ZNF878: variants seen among roughly 807,000 people sequenced by gnomAD.
ZNF878 encodes the protein zinc finger protein 878.
In ZNF878, 10 loss-of-function variants were observed where a neutral mutation model predicts 11.1. That is an observed-to-expected ratio of 0.90 (90% confidence interval 0.56 to 1.53). The LOEUF is 1.53. ZNF878 is among the 40% of genes most tolerant of loss of function. ZNF878 has a pLI of 0.00. For missense variants in ZNF878, 548 were observed against 626.1 expected (o/e 0.88, Z 1.33); for synonymous variants, 165 against 209.7 (o/e 0.79, Z 1.84).
intron 1 of ZNF878, among the ~76,000 whole-genome samples, chr19:12,046,964 G>C (rs977927100): frequency 6.6e-6 from 1 of 152,134 alleles, no homozygotes; most frequent in Non-Finnish European, 1.5e-5. Context: ...ACTCTGGATG[G>C]GGTAAAGCAA....
At chr19:12,046,281 G>C (rs1046879382) in intron 3 of ZNF878, 87 bp downstream of exon 3, 80 of 1,041,798 alleles carry the variant, frequency 7.7e-5, no homozygotes, top group Non-Finnish European at 1.1e-4. Flanking sequence ...AACTAGGTTT[G>C]TTTCTTATGC....
At chr19:12,050,229 GTAAA>G (rs57943946) in intron 1 of ZNF878, among the ~76,000 whole-genome samples, 5 of 152,088 alleles carry the variant, frequency 3.3e-5, no homozygotes, top group Non-Finnish European at 5.9e-5. Context: ...CGTCTCAAAA[GTAAA>G]TAAATAAATA....
Position 12,045,149 on chromosome 19 carries a change from CA to C in ZNF878, c.251del (p.Leu84Ter). 2.5e-6 allele frequency: 4 copies of C among 1,612,722 alleles called. No homozygotes were observed. Among genetic ancestry groups the C allele is most frequent in the Non-Finnish European group, 2.5e-6 (3 of 1,179,310 alleles). ...TCAGTGTGTCATCTGGAACCTGTGTCAAAACTTCTCCATGCTGATGACTTTC... is the reference window on the plus strand; with the variant it reads ...TCAGTGTGTCATCTGGAACCTGTGTCAAACTTCTCCATGCTGATGACTTTC... ...SKESHQHGEV[L>X]TQVPDDTLKK... On this transcript the variant is annotated frameshift_variant, in exon 4 of 4. Coordinates refer to ENST00000547628, the MANE Select transcript of ZNF878 (RefSeq NM_001080404.3). LOFTEE classifies it low-confidence loss of function (END_TRUNC).
At position 12,044,278 on chromosome 19, in the gene ZNF878, T is replaced by A; in HGVS notation, c.1123A>T (p.Thr375Ser). ...TGAAAGGAATTGGAAGAAGTGAAGG[T>A]TTTCCCACATTGTTTACATTCAAAG... Reference protein sequence around the residue: ...KPFECKQCGKTFTSSNSFHYH... With the variant: ...KPFECKQCGKSFTSSNSFHYH... Residue 375 changes from threonine (T) to serine (S), a missense_variant, in exon 4 of 4, where the codon ACC becomes TCC. By Grantham distance (58) the Thr-to-Ser change is moderately conservative. Coordinates refer to ENST00000547628, the MANE Select transcript of ZNF878 (RefSeq NM_001080404.3). 3.1e-6 allele frequency: 5 copies of A among 1,604,760 alleles called. No individual in the cohort carries two copies. Among genetic ancestry groups the A allele is most frequent in the Non-Finnish European group, 4.2e-6 (5 of 1,177,100 alleles).
rs908424019 is a variant in ZNF878 at position 12,048,841 on chromosome 19, AAAAAAAGAAAAG to A, written c.4-2093_4-2082del. Among the ~76,000 whole-genome samples the A allele has an allele frequency of 8.1e-5, 12 of 147,778 alleles. 1 individual carries two copies. The highest frequency in any genetic ancestry group is 3.2e-4 in the African/African-American group (12 of 37,818). On this transcript the variant is annotated intron_variant, in intron 1 of 3. Transcript: ENST00000547628. ...GAGCAAGACTCTGTCTCAAAAAAAAAAAAAAAGAAAAGAAAAAGAAAAGAAAAGAAAGAAAGG... is the reference window on the plus strand; with the variant it reads ...GAGCAAGACTCTGTCTCAAAAAAAAAAAAAAGAAAAGAAAAGAAAGAAAGG...
Position 12,044,541 on chromosome 19 carries a change from T to C in ZNF878, c.860A>G (p.Gln287Arg), listed in dbSNP as rs939513690. The change falls in exon 4 of 4, where the codon CAA (glutamine) becomes CGA (arginine). Residue 287 changes from glutamine (Q) to arginine (R), a missense_variant. Physicochemically the swap from Gln to Arg is conservative, Grantham distance 43. Transcript: ENST00000547628. Reference sequence around the variant, plus strand: ...GACAGATCTGAAGGCTTTCCTACATTGTGTACACTCATAGGGTTTCTCTCC... The same window carrying C: ...GACAGATCTGAAGGCTTTCCTACATCGTGTACACTCATAGGGTTTCTCTCC... ...HSGEKPYECT[Q>R]CRKAFRSVKY... is the part of the protein sequence containing the mutation. The C allele has an allele frequency of 9.3e-6, 15 of 1,613,830 alleles. No homozygotes were observed. The highest frequency in any genetic ancestry group is 1.3e-5 in the African/African-American group (1 of 74,846).
At chr19:12,052,063 T>C (rs1975556952) in intron 1 of ZNF878, among the ~76,000 whole-genome samples, 1 of 152,124 alleles carries the variant, frequency 6.6e-6, no homozygotes, top group African/African-American at 2.4e-5. Flanking sequence ...ACCTACAGAA[T>C]CCCTCCACCA....
chr19:12,047,053 A>G (rs1001600155), intron 1 of ZNF878, among the ~76,000 whole-genome samples: 5 of 152,048 alleles, frequency 3.3e-5, no homozygotes, highest in Admixed American at 2.0e-4. Context: ...TAATGTCCGA[A>G]GTGTGGATCT....
Position 12,052,841 on chromosome 19 carries a change from C to A in ZNF878, c.-40G>T. On this transcript the variant is annotated 5_prime_UTR_variant, in exon 1 of 4. Transcript: ENST00000547628. ...GTATTCTGGCGTCCTCTCTAAAGGT[C>A]CCGTGAACAGTGCAGGTCACAGCGC... The A allele has an allele frequency of 6.5e-7, 1 of 1,535,906 alleles. No homozygotes were observed. The highest frequency in any genetic ancestry group is 8.7e-7 in the Non-Finnish European group (1 of 1,146,672).
intron 1 of ZNF878, 30 bp downstream of exon 1, chr19:12,052,769 C>T (rs1490010571): frequency 1.3e-6 from 2 of 1,535,582 alleles, no homozygotes; most frequent in African/African-American, 2.7e-5. Context: ...CCTCCTTTCG[C>T]CTTGGGACTC....
chr19:12,046,368 C>T lies in ZNF878; in HGVS notation c.191G>A (p.Arg64Lys). 6.4e-7 allele frequency: 1 copy of T among 1,565,926 alleles called. No individual in the cohort carries two copies. The highest frequency in any genetic ancestry group is 1.4e-5 in the African/African-American group (1 of 73,804). The change falls in exon 3 of 4, where the codon AGA becomes AAA. Residue 64 changes from arginine (R) to lysine (K), a missense_variant and splice_region_variant. This residue lies in a region of ZNF878 where 160 missense variants were observed against 173.3 expected (regional missense o/e 0.92). Coordinates refer to ENST00000547628, the MANE Select transcript of ZNF878 (RefSeq NM_001080404.3). ...GTTTTCTCTTTTAAGTGCCAGTTAC[C>T]TTAGGTTTCTCCTAGGATTTTGGTG... ...DEHQNPRRNL[R>K]RLIGERLSES... is the part of the protein sequence containing the mutation.
rs773274167 is a variant in ZNF878 at position 12,044,316 on chromosome 19, G to A, written c.1085C>T (p.Thr362Ile). The A allele has an allele frequency of 4.3e-6, 7 of 1,612,838 alleles. No homozygotes were observed. The highest frequency in any genetic ancestry group is 1.3e-5 in the African/African-American group (1 of 75,002). ...KDLRIHERTH[T>I]GEKPFECKQC... ...TTTACATTCAAAGGGTTTCTCTCCAGTGTGTGTCCTTTCATGTATTCGAAG... is the reference window on the plus strand; with the variant it reads ...TTTACATTCAAAGGGTTTCTCTCCAATGTGTGTCCTTTCATGTATTCGAAG... Residue 362 changes from threonine to isoleucine, a missense_variant, in exon 4 of 4, where the codon ACT (threonine) becomes ATT (isoleucine). Transcript: ENST00000547628.
At chr19:12,052,716 C>T in intron 1 of ZNF878, 83 bp downstream of exon 1, 2 of 1,513,294 alleles carry the variant, frequency 1.3e-6, no homozygotes, top group Non-Finnish European at 1.8e-6. Flanking sequence ...TGCAGGGGGG[C>T]CCGGGCCCCG....
intron 3 of ZNF878, 121 bp downstream of exon 3, chr19:12,046,247 C>A (rs1975486002): frequency 1.3e-6 from 1 of 758,178 alleles, no homozygotes; most frequent in Non-Finnish European, 2.1e-6. Flanking sequence ...TCTAGGGAAG[C>A]TTTTCTAAGA....
Position 12,046,663 on chromosome 19 carries a change from T to C in ZNF878, c.101A>G (p.Gln34Arg), listed in dbSNP as rs1242770604. 6.2e-7 allele frequency: 1 copy of C among 1,614,098 alleles called. No homozygotes were observed. Among genetic ancestry groups the C allele is most frequent in the Admixed American group, 1.7e-5 (1 of 59,996 alleles). The change falls in exon 2 of 4, where the codon CAG (glutamine) becomes CGG (arginine). Residue 34 changes from glutamine to arginine, a missense_variant. By Grantham distance (43) the Gln-to-Arg change is conservative. Coordinates refer to ENST00000547628, the MANE Select transcript of ZNF878 (RefSeq NM_001080404.3). ...SQKNLYREVM[Q>R]ETLRNLTSIG... is the part of the protein sequence containing the mutation. ...GGAGGTCAGGTTCCTCAAGGTTTCC[T>C]GCATCACTTCCCTGTAGAGATTTTT... is the stretch of plus-strand genomic sequence containing the variant.
At chr19:12,051,231 G>C (rs1975548610) in intron 1 of ZNF878, among the ~76,000 whole-genome samples, 2 of 150,918 alleles carry the variant, frequency 1.3e-5, no homozygotes, top group African/African-American at 4.9e-5. Context: ...CGGGGAGGCG[G>C]AGGTTGCAGT....
chr19:12,052,564 A>AGCCGGG (rs1272564045), intron 1 of ZNF878, among the ~76,000 whole-genome samples: 2 of 152,106 alleles, frequency 1.3e-5, no homozygotes, highest in South Asian at 2.1e-4. Flanking sequence ...TCAGAGAGGG[A>AGCCGGG]GCCGGGGCCG....
chr19:12,043,876 A>C lies in ZNF878; in HGVS notation c.1525T>G (p.Cys509Gly). ...CTAAAGGCTTTACCACATTGCTTAC[A>C]CTCATAGGGTTTCTCTCCAGTATGA... is the stretch of plus-strand genomic sequence containing the variant. ...RIHTGEKPYE[C>G]KQCGKAFRSA... The change falls in exon 4 of 4, where the codon TGT (cysteine) becomes GGT (glycine). Residue 509 changes from cysteine to glycine, a missense_variant. Physicochemically the swap from Cys to Gly is radical, Grantham distance 159. Transcript: ENST00000547628. 6.2e-7 allele frequency: 1 copy of C among 1,614,078 alleles called. No individual in the cohort carries two copies. Among genetic ancestry groups the C allele is most frequent in the East Asian group, 2.2e-5 (1 of 44,882 alleles).
chr19:12,044,160 A>T lies in ZNF878; in HGVS notation c.1241T>A (p.Ile414Lys). Residue 414 changes from isoleucine to lysine, a missense_variant, in exon 4 of 4, where the codon ATA becomes AAA. Ile to Lys is a moderately radical substitution (Grantham distance 102, BLOSUM62 -3). Transcript: ENST00000547628. ...FRSASVLQKH[I>K]RTHTGEKPYG... ...GGGTTTCTCTCCTGTGTGAGTTCGT[A>T]TGTGCTTTTGAAGGACTGAGGCAGA... 6.2e-7 allele frequency: 1 copy of T among 1,603,298 alleles called. No individual in the cohort carries two copies.
Sources: gnomAD v4.1 joint callset for allele counts (sites outside exome capture counted in the v4.1 genomes callset) on GRCh38, gnomAD v4.1.1 for gene constraint, gnomAD v4.1.1 regional missense constraint, MANE v1.5 for transcripts, NCBI Gene and HGNC (gene_info 2026-07-23, HGNC 2026-07-21) for gene names.